AFDN: variants seen among roughly 807,000 people sequenced by gnomAD.
The protein encoded by AFDN is afadin.
AFDN carries 68 observed loss-of-function variants against 216.6 expected under a neutral mutation model. The ratio of observed to expected loss-of-function variants is 0.31; its 90% CI spans 0.26 to 0.38. The LOEUF (loss-of-function observed/expected upper bound fraction) is 0.38, where lower values mean the gene tolerates loss of function less well. AFDN is among the 10% of genes least tolerant of loss of function. The probability of loss-of-function intolerance (pLI) is 1.00; values close to 1 mark genes in which losing one functional copy is unlikely to be tolerated. For synonymous variants in AFDN, 868 were observed against 853.7 expected (o/e 1.02, Z -0.29); for missense variants, 2,136 against 2,342.0 (o/e 0.91, Z 1.82).
rs543391073 is a variant in AFDN at position 167,947,824 on chromosome 6, C to A, written c.3554-29C>A. ...TATAGGTTGTTTATTTAATATTACA[C>A]TTTTTTTTTTCCCCCCTGACTTGAG... On this transcript the variant is annotated intron_variant, in intron 27 of 33. Coordinates refer to ENST00000683244, the MANE Select transcript of AFDN (RefSeq NM_001386888.1). 81 of 1,406,344 alleles carry A rather than the reference C, an allele frequency of 5.8e-5. No individual in the cohort carries two copies. In the Admixed American group the frequency reaches 6.1e-4, roughly 11 times the overall value. 87.1% of individuals were successfully genotyped at this position (1,406,344 alleles called of 1,614,324 possible).
chr6:167,848,952 T>C (rs1011871321), intron 1 of AFDN, among the ~76,000 whole-genome samples: 22 of 152,216 alleles, frequency 1.4e-4, no homozygotes, highest in African/African-American at 5.1e-4. Flanking sequence ...TCCACCCTTA[T>C]TTTTATACAG....
chr6:167,914,068 G>T, intron 16 of AFDN, 100 bp from the exon 17 acceptor site: 1 of 1,270,888 alleles, frequency 7.9e-7, no homozygotes, highest in African/African-American at 1.5e-5. Context: ...GAAATGGGAA[G>T]GTACTGGTCT....
In AFDN at chr6:167,872,386, G is replaced by C; in HGVS notation, c.578+9G>C. ...TTCCAAGGGGAGGATGTGTAAGTCA[G>C]TTTTGGAAATGTTCCCCTTTCTTTG... On this transcript the variant is annotated intron_variant, in intron 4 of 33. Coordinates refer to ENST00000683244, the MANE Select transcript of AFDN (RefSeq NM_001386888.1). The C allele has an allele frequency of 6.3e-7, 1 of 1,595,944 alleles. No homozygotes were observed. Among genetic ancestry groups the C allele is most frequent in the Non-Finnish European group, 8.5e-7 (1 of 1,174,808 alleles).
chr6:167,927,538 G>T (rs1164587586), intron 23 of AFDN, among the ~76,000 whole-genome samples: 1 of 152,174 alleles, frequency 6.6e-6, no homozygotes, highest in Non-Finnish European at 1.5e-5. Flanking sequence ...ATCTGGGTCT[G>T]GTGTGCAGGA....
At chr6:167,957,330 C>G (rs908824440) in intron 30 of AFDN, among the ~76,000 whole-genome samples, 22 of 152,318 alleles carry the variant, frequency 1.4e-4, no homozygotes, top group African/African-American at 5.1e-4. Context: ...GTAGCGCCAC[C>G]TCCATGGGAA....
chr6:167,898,945 ACTAT>A (rs1196931880), intron 11 of AFDN, among the ~76,000 whole-genome samples: 3 of 152,164 alleles, frequency 2.0e-5, no homozygotes, highest in Non-Finnish European at 2.9e-5. Context: ...TTTCTTAATG[ACTAT>A]CTAGTAAAAT....
chr6:167,950,854 C>CTTTTTTTT (rs562302204), intron 29 of AFDN, among the ~76,000 whole-genome samples: 1 of 127,406 alleles, frequency 7.8e-6, no homozygotes. Flanking sequence ...TGCTTTTTTG[C>CTTTTTTTT]TTTTTTTTTT....
chr6:167,962,932 G>A lies in AFDN; in HGVS notation c.4968+365G>A. On this transcript the variant is annotated intron_variant, in intron 31 of 33. Transcript: ENST00000683244. This position sits in a 1 kb window ranked among gnomAD's most constrained non-coding sequence, Gnocchi z 5.2. ...CATTGGTTCAGTGATTGCTTAAATGGCATGTGGACCGTGGGAAGCAGTAGG... is the reference window on the plus strand; with the variant it reads ...CATTGGTTCAGTGATTGCTTAAATGACATGTGGACCGTGGGAAGCAGTAGG... 1.8e-6 allele frequency: 2 copies of A among 1,132,614 alleles called. No homozygotes were observed. Among genetic ancestry groups the A allele is most frequent in the African/African-American group, 3.1e-5 (2 of 65,192 alleles). 70.2% of individuals were successfully genotyped at this position (1,132,614 alleles called of 1,614,324 possible).
At chr6:167,869,074 G>A (rs548902459) in intron 2 of AFDN, among the ~76,000 whole-genome samples, 2 of 152,044 alleles carry the variant, frequency 1.3e-5, no homozygotes, top group South Asian at 2.1e-4. Flanking sequence ...AGCCAGCATC[G>A]TGCAGTCTTG....
intron 1 of AFDN, chr6:167,827,779 G>C (rs1370485329): frequency 6.6e-6 from 1 of 152,156 alleles, no homozygotes; most frequent in Non-Finnish European, 1.5e-5. Flanking sequence ...TGATGGCACA[G>C]GCCCGGAGTC....
chr6:167,965,695 A>C, intron 31 of AFDN, 62 bp from the exon 32 acceptor site: 1 of 1,434,832 alleles, frequency 7.0e-7, no homozygotes, highest in Non-Finnish European at 9.3e-7. Context: ...TTGAAGGCCC[A>C]GTGGGTCGGC....
At chr6:167,914,777 C>G in intron 18 of AFDN, 39 bp downstream of exon 18, 2 of 1,396,906 alleles carry the variant, frequency 1.4e-6, no homozygotes, top group Non-Finnish European at 2.0e-6. Flanking sequence ...TATCCCGCTT[C>G]CTTCACGTTT....
At position 167,917,378 on chromosome 6, in the gene AFDN, G is replaced by A. The variant is rs954243016; in HGVS notation, c.2709+146G>A. Reference sequence around the variant, plus strand: ...ATCATTTTCGTGTTGCTGTCCAAGAGTTCAATGAAAAAACAGAAACTATAC... The same window carrying A: ...ATCATTTTCGTGTTGCTGTCCAAGAATTCAATGAAAAAACAGAAACTATAC... On this transcript the variant is annotated intron_variant, in intron 20 of 33. Coordinates refer to ENST00000683244, the MANE Select transcript of AFDN (RefSeq NM_001386888.1). The A allele has an allele frequency of 6.5e-6, 6 of 917,686 alleles. No individual in the cohort carries two copies. The African/African-American group carries it at 1.0e-4, about 16-fold the overall frequency. 56.8% of individuals were successfully genotyped at this position (917,686 alleles called of 1,614,324 possible).
chr6:167,910,985 C>A, intron 13 of AFDN, 116 bp from the exon 14 acceptor site: 1 of 806,334 alleles, frequency 1.2e-6, no homozygotes, highest in Non-Finnish European at 2.0e-6. Flanking sequence ...TATTATTTTA[C>A]GTTGGAAAGA....
chr6:167,863,826 A>T (rs750712882), intron 1 of AFDN: 11 of 518,534 alleles, frequency 2.1e-5, no homozygotes, highest in Non-Finnish European at 4.2e-5. Flanking sequence ...CAAATCTAAA[A>T]TGCGTTCATT....
chr6:167,867,913 A>G (rs1784368753), intron 2 of AFDN, among the ~76,000 whole-genome samples: 1 of 152,182 alleles, frequency 6.6e-6, no homozygotes, highest in African/African-American at 2.4e-5. Context: ...ACTATTGCTC[A>G]TTTAAAATTT....
intron 5 of AFDN, among the ~76,000 whole-genome samples, chr6:167,879,647 G>T (rs948323399): frequency 6.6e-6 from 1 of 152,194 alleles, no homozygotes. Context: ...ACATATACAT[G>T]TAGATTTCCA....
chr6:167,874,384 A>G (rs1347668180), intron 4 of AFDN, among the ~76,000 whole-genome samples: 1 of 152,172 alleles, frequency 6.6e-6, no homozygotes, highest in African/African-American at 2.4e-5. Context: ...TTATGATGAA[A>G]AATTGTGTCT....
At chr6:167,838,405 G>T (rs546127546) in intron 1 of AFDN, among the ~76,000 whole-genome samples, 9 of 152,058 alleles carry the variant, frequency 5.9e-5, no homozygotes, top group Non-Finnish European at 1.0e-4. Context: ...TGTTGCCCTA[G>T]CCCTTCCCTG....
Sources: gnomAD v4.1 joint callset for allele counts (sites outside exome capture counted in the v4.1 genomes callset) on GRCh38, gnomAD v4.1.1 for gene constraint, Gnocchi (gnomAD v3.1) non-coding constraint, MANE v1.5 for transcripts, NCBI Gene and HGNC (gene_info 2026-07-23, HGNC 2026-07-21) for gene names.